Variants in BTD observed in about 807,000 individuals in gnomAD.
The protein encoded by BTD is biotinidase.
Under a neutral mutation model 17.7 loss-of-function variants are expected in BTD, and 13 were observed. That is an observed-to-expected ratio of 0.74 (90% CI 0.48 to 1.17). BTD has a LOEUF of 1.17. Ranked by LOEUF, BTD falls within the 50% of genes most tolerant of loss-of-function variation. The probability of loss-of-function intolerance (pLI) is 0.00; values close to 1 mark genes in which losing one functional copy is unlikely to be tolerated. For synonymous variants in BTD, 240 were observed against 245.2 expected, an observed-to-expected ratio of 0.98 and a Z score of 0.20; for missense variants, 674 against 650.4, an observed-to-expected ratio of 1.04 and a Z score of -0.39.
chr3:15,609,273 A>G (rs538472816), intron 1 of BTD, among the ~76,000 whole-genome samples: 18 of 152,324 alleles, frequency 1.2e-4, no homozygotes, highest in African/African-American at 4.1e-4. Flanking sequence ...TACATCACAA[A>G]TATAATGAAA....
intron 3 of BTD, among the ~76,000 whole-genome samples, chr3:15,673,951 G>T (rs1008824484): frequency 1.4e-4 from 21 of 151,786 alleles, no homozygotes; most frequent in Non-Finnish European, 2.4e-4. Flanking sequence ...TGAGGTGGGG[G>T]GATTGCTTGA....
chr3:15,705,813 CAACA>C (rs2071276655), intron 3 of BTD, among the ~76,000 whole-genome samples: 1 of 152,078 alleles, frequency 6.6e-6, no homozygotes, highest in African/African-American at 2.4e-5. Flanking sequence ...CCAGCCTGGC[CAACA>C]TGGTGAATCT....
At chr3:15,708,250 A>T (rs1246994641) in intron 3 of BTD, among the ~76,000 whole-genome samples, 1 of 152,222 alleles carries the variant, frequency 6.6e-6, no homozygotes, top group Non-Finnish European at 1.5e-5. Context: ...GTGGCAGAGA[A>T]CCTTTAAGTA....
chr3:15,676,135 G>C, intron 3 of BTD: 1 of 533,908 alleles, frequency 1.9e-6, no homozygotes, highest in Non-Finnish European at 3.3e-6. Context: ...AACAAAGATG[G>C]GGGCAGGGAG....
intron 2 of BTD, among the ~76,000 whole-genome samples, chr3:15,637,880 C>G (rs191879603): frequency 6.6e-6 from 1 of 152,198 alleles, no homozygotes; most frequent in Non-Finnish European, 1.5e-5. Context: ...ACACTTAACA[C>G]GGTTTTGTTG....
In BTD at chr3:15,653,235, G is replaced by A. The variant is rs1386026689; in HGVS notation, c.*7747G>A. Among the ~76,000 whole-genome samples, 1 of 152,246 alleles carries A rather than the reference G, an allele frequency of 6.6e-6. No homozygotes were observed. Among genetic ancestry groups the A allele is most frequent in the South Asian group, 2.1e-4 (1 of 4,830 alleles). ...GGGCCCATCAATCTGTGTTTAACAA[G>A]TCCTCCAGGTGATTCCGATCCTAAT... On this transcript the variant is annotated 3_prime_UTR_variant, in exon 4 of 4. Coordinates refer to ENST00000643237, the MANE Select transcript of BTD (RefSeq NM_001370658.1).
intron 1 of BTD, 105 bp downstream of exon 1, chr3:15,601,999 T>A (rs2064269906): frequency 1.9e-6 from 3 of 1,542,314 alleles, no homozygotes; most frequent in Admixed American, 4.0e-5. Context: ...GCGCAAAGGC[T>A]GCCGGGAGCT....
chr3:15,623,435 A>G (rs996976338), intron 1 of BTD, among the ~76,000 whole-genome samples: 3 of 152,030 alleles, frequency 2.0e-5, no homozygotes, highest in African/African-American at 7.3e-5. Context: ...TATCTATCAT[A>G]TTTGTTACTT....
intron 1 of BTD, among the ~76,000 whole-genome samples, chr3:15,622,886 C>T (rs765410281): frequency 2.0e-5 from 3 of 152,136 alleles, no homozygotes; most frequent in Non-Finnish European, 2.9e-5. Context: ...CTCTTAATGA[C>T]TATGTTAGTC....
At chr3:15,714,660 G>C (rs182821122), downstream of BTD, 160 of 1,576,994 alleles carry the variant, frequency 1.0e-4, no homozygotes, top group African/African-American at 1.2e-3. Flanking sequence ...CTTTACTCTG[G>C]GGGGGGAAGA....
At chr3:15,638,239 G>A (rs2065404849) in intron 2 of BTD, among the ~76,000 whole-genome samples, 1 of 152,178 alleles carries the variant, frequency 6.6e-6, no homozygotes, top group Non-Finnish European at 1.5e-5. Flanking sequence ...AGCCCATGGT[G>A]TTCTGGCAGA....
At chr3:15,697,500 T>C (rs1439855995) in intron 3 of BTD, 1 of 151,996 alleles carries the variant, frequency 6.6e-6, no homozygotes, top group Non-Finnish European at 1.5e-5. Context: ...ATAAATTTAA[T>C]CATGTGTTTG....
Position 15,641,913 on chromosome 3 carries a change from A to C in BTD, c.255A>C (p.Val85=), listed in dbSNP as rs369304137. The C allele has an allele frequency of 1.1e-5, 18 of 1,608,912 alleles. No individual in the cohort carries two copies. Among genetic ancestry groups the C allele is most frequent in the African/African-American group, 2.7e-5 (2 of 74,838 alleles). The change falls in exon 3 of 4, where the codon GTA becomes GTC. Residue 85 remains valine (V), a synonymous_variant. Coordinates refer to ENST00000643237, the MANE Select transcript of BTD (RefSeq NM_001370658.1). Reference sequence around the variant, plus strand: ...TTTGATGTTTTCATTTTCAGGATGTACAGATTATAGTGTTTCCAGAAGATG... The same window carrying C: ...TTTGATGTTTTCATTTTCAGGATGTCCAGATTATAGTGTTTCCAGAAGATG... ...QQVMTAAQKD[V]QIIVFPEDGI...
intron 2 of BTD, among the ~76,000 whole-genome samples, chr3:15,637,500 A>G (rs2125463242): frequency 6.6e-6 from 1 of 152,292 alleles, no homozygotes; most frequent in South Asian, 2.1e-4. Context: ...ATGCTGTTAA[A>G]TTTCATCATT....
rs1198006136 is a variant in BTD at position 15,652,039 on chromosome 3, G to T, written c.*6551G>T. On this transcript the variant is annotated 3_prime_UTR_variant, in exon 4 of 4. Transcript: ENST00000643237. ...TACTTCTGAAATTGGGTTATAAAAG[G>T]TACTGCAGACCGGGCACGGTGGCTT... Among the ~76,000 whole-genome samples, 2 of 152,088 alleles carry T rather than the reference G, an allele frequency of 1.3e-5. No homozygotes were observed. The highest frequency in any genetic ancestry group is 4.8e-5 in the African/African-American group (2 of 41,422).
At chr3:15,674,443 T>C (rs1235820610) in intron 3 of BTD, among the ~76,000 whole-genome samples, 1 of 152,034 alleles carries the variant, frequency 6.6e-6, no homozygotes, top group Admixed American at 6.6e-5. Context: ...CATGATGCTG[T>C]GGGGAGAGTA....
chr3:15,696,790 A>G (rs1189310877), intron 3 of BTD, among the ~76,000 whole-genome samples: 13 of 152,300 alleles, frequency 8.5e-5, no homozygotes, highest in Middle Eastern at 3.4e-3. Context: ...TCCATAAGAG[A>G]TACTTCATTT....
rs140894997 is a variant in BTD at position 15,617,527 on chromosome 3, C to G, written c.-17+15633C>G. ...GTTCCAGCACCATTTGTTGAAAAGA[C>G]TGTCTTTGCTCCATCACATTGCCTT... On this transcript the variant is annotated intron_variant, in intron 1 of 3. Transcript: ENST00000643237. 5.4e-3 allele frequency among the ~76,000 whole-genome samples: 821 copies of G among 152,258 alleles called. 5 individuals carry two copies. The highest frequency in any genetic ancestry group is 0.018 in the African/African-American group (745 of 41,536).
intron 1 of BTD, among the ~76,000 whole-genome samples, chr3:15,623,478 G>A (rs2064999478): frequency 3.9e-5 from 6 of 152,172 alleles, no homozygotes; most frequent in Admixed American, 2.6e-4. Flanking sequence ...CGTAGTTCCT[G>A]TTTTTGTCTT....
Sources: allele counts gnomAD v4.1 joint callset (sites outside exome capture counted in the v4.1 genomes callset), GRCh38; gene constraint gnomAD v4.1.1; transcripts MANE v1.5; gene names NCBI Gene and HGNC (gene_info 2026-07-23, HGNC 2026-07-21).